The following PTPRN2 variants were observed in gnomAD, a reference collection of about 807,000 sequenced individuals.
PTPRN2 encodes the protein receptor-type tyrosine-protein phosphatase N2.
A neutral mutation model predicts 118.8 loss-of-function variants in PTPRN2; 74 were observed. The observed-to-expected ratio is 0.62, with a 90% CI of 0.52 to 0.76. The LOEUF (loss-of-function observed/expected upper bound fraction) is 0.76, where lower values mean the gene tolerates loss of function less well. Among genes scored for constraint, PTPRN2 ranks in the 30% least tolerant of loss-of-function variants. The pLI is 0.00. For synonymous variants in PTPRN2, 641 were observed against 608.0 expected (o/e 1.05, Z -0.80); for missense variants, 1,481 against 1,394.4 (o/e 1.06, Z -0.99).
intron 11 of PTPRN2, among the ~76,000 whole-genome samples, chr7:157,913,492 G>A (rs1259276603): frequency 6.6e-6 from 1 of 152,204 alleles, no homozygotes; most frequent in African/African-American, 2.4e-5. Flanking sequence ...GTGTTCAAGA[G>A]AATATTTCCA....
intron 11 of PTPRN2, among the ~76,000 whole-genome samples, chr7:158,037,913 G>C (rs948109954): frequency 1.3e-5 from 2 of 152,238 alleles, no homozygotes; most frequent in African/African-American, 4.8e-5. Flanking sequence ...CAGCAGGTGA[G>C]TATCACAGAT....
rs146283516 is a variant in PTPRN2 at position 158,128,315 on chromosome 7, A to G, written c.1556+5362T>C. The stretch of plus-strand genomic sequence containing the variant: ...CATCACACCTTGCTCAAGCAGTACA[A>G]ATTGCTGACAAAAAGCTGTGCTGTC... On this transcript the variant is annotated intron_variant, in intron 9 of 22. Coordinates refer to ENST00000389418, the MANE Select transcript of PTPRN2 (RefSeq NM_002847.5). 7.2e-3 allele frequency among the ~76,000 whole-genome samples: 1,102 copies of G among 152,290 alleles called. 21 individuals are homozygous for G. The highest frequency in any genetic ancestry group is 0.025 in the African/African-American group (1,037 of 41,550).
intron 10 of PTPRN2, among the ~76,000 whole-genome samples, chr7:158,110,471 C>T (rs1816141170): frequency 6.6e-6 from 1 of 152,192 alleles, no homozygotes; most frequent in Non-Finnish European, 1.5e-5. Flanking sequence ...GCCGTGTCCA[C>T]AGCAGGTGCT....
At chr7:158,394,602 T>C (rs1029201800) in intron 2 of PTPRN2, among the ~76,000 whole-genome samples, 1 of 151,974 alleles carries the variant, frequency 6.6e-6, no homozygotes, top group African/African-American at 2.4e-5. Context: ...TGCTCGTCCA[T>C]CCCCCCAGGC....
intron 11 of PTPRN2, among the ~76,000 whole-genome samples, chr7:157,911,012 AGGGGG>A (rs905728807): frequency 6.6e-6 from 1 of 152,222 alleles, no homozygotes; most frequent in Non-Finnish European, 1.5e-5. Context: ...GGAGAAGAGA[AGGGGG>A]GTGCCCTTGC....
intron 10 of PTPRN2, among the ~76,000 whole-genome samples, chr7:158,098,277 G>A (rs990367876): frequency 2.0e-5 from 3 of 152,226 alleles, no homozygotes; most frequent in African/African-American, 4.8e-5. Flanking sequence ...CAGGGGACCC[G>A]CAAAGGATCC....
intron 12 of PTPRN2, among the ~76,000 whole-genome samples, chr7:157,837,492 C>T (rs2151174184): frequency 6.6e-6 from 1 of 151,252 alleles, no homozygotes; most frequent in Non-Finnish European, 1.5e-5. Context: ...CGAGATGGCT[C>T]AGAAGGGGCA....
intron 11 of PTPRN2, among the ~76,000 whole-genome samples, chr7:157,995,054 C>T (rs1735813744): frequency 1.8e-3 from 1 of 566 alleles, no homozygotes; most frequent in Non-Finnish European, 3.8e-3. Context: ...GCCGTGTCCC[C>T]AGCTTACAGC....
At position 157,861,082 on chromosome 7, in the gene PTPRN2, G is replaced by T. The variant is rs113632547; in HGVS notation, c.1788+37591C>A. On this transcript the variant is annotated intron_variant, in intron 12 of 22. Coordinates refer to ENST00000389418, the MANE Select transcript of PTPRN2 (RefSeq NM_002847.5). The surrounding 1 kb of genome is among the most constrained non-coding windows in gnomAD (Gnocchi z 5.8). ...GTGGGGGTTGGAAGAGGAACCCCAC[G>T]GCACAGCGGACACCATGTGGGACCC... Among the ~76,000 whole-genome samples the T allele has an allele frequency of 0.06, 9,065 of 152,212 alleles. 432 individuals carry two copies. Among genetic ancestry groups the T allele is most frequent in the African/African-American group, 0.12 (5,010 of 41,524 alleles).
chr7:158,096,524 G>C (rs186555921), intron 10 of PTPRN2, among the ~76,000 whole-genome samples: 1,682 of 152,366 alleles, frequency 0.011, 26 homozygotes, highest in South Asian at 0.056. Context: ...CAAATCCACA[G>C]TGGCCTTCCC....
chr7:157,816,969 A>G (rs1459551306), intron 12 of PTPRN2, among the ~76,000 whole-genome samples: 1 of 152,184 alleles, frequency 6.6e-6, no homozygotes, highest in Non-Finnish European at 1.5e-5. Flanking sequence ...GGCACTGCAG[A>G]TGGGCTGCCG....
intron 9 of PTPRN2, among the ~76,000 whole-genome samples, chr7:158,132,780 C>A (rs1003005476): frequency 7.2e-5 from 11 of 151,964 alleles, no homozygotes; most frequent in Non-Finnish European, 4.4e-5. Flanking sequence ...ACCCAACACA[C>A]ACTCATATAC....
chr7:158,378,808 C>G (rs1301935330), intron 2 of PTPRN2, among the ~76,000 whole-genome samples: 1 of 152,184 alleles, frequency 6.6e-6, no homozygotes, highest in African/African-American at 2.4e-5. Flanking sequence ...TCCTTCCATG[C>G]AGCACTGGTA....
At chr7:158,212,544 A>G (rs560187401) in intron 3 of PTPRN2, among the ~76,000 whole-genome samples, 3 of 152,342 alleles carry the variant, frequency 2.0e-5, no homozygotes, top group East Asian at 3.9e-4. Context: ...AATTAAAAAA[A>G]TAGACTTAAT....
At chr7:158,457,720 C>T (rs1818639474) in intron 2 of PTPRN2, among the ~76,000 whole-genome samples, 1 of 124,278 alleles carries the variant, frequency 8.0e-6, no homozygotes, top group Non-Finnish European at 1.7e-5. Flanking sequence ...CGTCAAAACT[C>T]CTTCCAAGTT....
At position 157,974,139 on chromosome 7, in the gene PTPRN2, A is replaced by T. The variant is rs1482316029; in HGVS notation, c.1724-75402T>A. ...TGGGTTGGCGGTGTTGACGCTGCAC[A>T]GGTCATGAGCGCCGGCCCTGCGGAT... On this transcript the variant is annotated intron_variant, in intron 11 of 22. Transcript: ENST00000389418. This position sits in a 1 kb window ranked among gnomAD's most constrained non-coding sequence, Gnocchi z 4.0. Among the ~76,000 whole-genome samples, 2 of 152,218 alleles carry T rather than the reference A, an allele frequency of 1.3e-5. No individual in the cohort carries two copies. Among genetic ancestry groups the T allele is most frequent in the Admixed American group, 1.3e-4 (2 of 15,286 alleles).
chr7:158,362,285 T>G (rs1809048514), intron 2 of PTPRN2, among the ~76,000 whole-genome samples: 1 of 152,248 alleles, frequency 6.6e-6, no homozygotes, highest in Non-Finnish European at 1.5e-5. Context: ...AGCACTGTCC[T>G]GTGTGGCAAG....
intron 9 of PTPRN2, among the ~76,000 whole-genome samples, chr7:158,111,904 A>G (rs1816310015): frequency 6.6e-6 from 1 of 152,260 alleles, no homozygotes; most frequent in Admixed American, 6.5e-5. Context: ...GCTGAGGTCA[A>G]TAGGGTGAAC....
At chr7:158,213,890 T>C (rs1827783597) in intron 3 of PTPRN2, among the ~76,000 whole-genome samples, 1 of 152,030 alleles carries the variant, frequency 6.6e-6, no homozygotes, top group African/African-American at 2.4e-5. Context: ...TAACTAAAAT[T>C]TAAAAATTTT....
Sources: gnomAD v4.1 joint callset for allele counts (sites outside exome capture counted in the v4.1 genomes callset) on GRCh38, gnomAD v4.1.1 for gene constraint, Gnocchi (gnomAD v3.1) non-coding constraint, MANE v1.5 for transcripts, NCBI Gene and HGNC (gene_info 2026-07-23, HGNC 2026-07-21) for gene names.